TNC: variants seen among roughly 807,000 people sequenced by gnomAD.
TNC encodes tenascin C.
Under a neutral mutation model 202.4 loss-of-function variants are expected in TNC, and 109 were observed. That is an observed-to-expected ratio of 0.54 (90% CI 0.46 to 0.63). TNC has a LOEUF of 0.63. Among genes scored for constraint, TNC ranks in the 30% least tolerant of loss-of-function variants. TNC has a pLI of 0.00. For missense variants in TNC, 2,756 were observed against 2,833.3 expected (o/e 0.97, Z 0.62); for synonymous variants, 1,007 against 1,089.7 (o/e 0.92, Z 1.50).
At chr9:115,106,567 T>A (rs1255626111) in intron 1 of TNC, among the ~76,000 whole-genome samples, 1 of 152,186 alleles carries the variant, frequency 6.6e-6, no homozygotes, top group Non-Finnish European at 1.5e-5. Flanking sequence ...CCAGGTGGAC[T>A]ATAATATCTG....
At chr9:115,051,528 C>CT (rs1249354542) in intron 15 of TNC, among the ~76,000 whole-genome samples, 1 of 90,708 alleles carries the variant, frequency 1.1e-5, no homozygotes, top group Admixed American at 1.0e-4. Flanking sequence ...TTTCTTTTTT[C>CT]TTTTTTTTCT....
In TNC at chr9:115,076,478, T is replaced by C. The variant is rs1453474050; in HGVS notation, c.2772A>G (p.Arg924=). Residue 924 remains arginine (R), a synonymous_variant, in exon 8 of 28, where the codon AGA becomes AGG. Transcript: ENST00000350763. ...CTCCAGAGATGGGGGCATACTTAAT[T>C]CTGTAACTGTCAATAGCTGCCTTGC... The part of the protein sequence containing the change: ...RNGKAAIDSY[R]IKYAPISGGD... The C allele has an allele frequency of 1.2e-6, 2 of 1,614,218 alleles. No homozygotes were observed. The highest frequency in any genetic ancestry group is 8.5e-7 in the Non-Finnish European group (1 of 1,180,044).
intron 10 of TNC, among the ~76,000 whole-genome samples, chr9:115,071,835 C>A (rs1239622766): frequency 1.3e-5 from 2 of 152,170 alleles, no homozygotes; most frequent in African/African-American, 4.8e-5. Flanking sequence ...ATAACAAGCT[C>A]ATGTTTATAA....
chr9:115,052,203 A>G (rs1397468061), intron 15 of TNC, among the ~76,000 whole-genome samples: 2 of 151,898 alleles, frequency 1.3e-5, no homozygotes, highest in African/African-American at 4.8e-5. Context: ...GAAATAATCG[A>G]GGCACAGAAA....
At chr9:115,113,432 G>A (rs549507784) in intron 1 of TNC, among the ~76,000 whole-genome samples, 2 of 152,320 alleles carry the variant, frequency 1.3e-5, no homozygotes, top group East Asian at 3.9e-4. Context: ...TAAATGGCAT[G>A]ATGCCTATAG....
rs2133667775 is a variant in TNC at position 115,090,723 on chromosome 9, A to G, written c.296T>C (p.Val99Ala). The change falls in exon 2 of 28, where the codon GTC becomes GCC. Residue 99 changes from valine (V) to alanine (A), a missense_variant. This residue lies in a region of TNC where 2,559 missense variants were observed against 2,546.0 expected (regional missense o/e 1.01). Transcript: ENST00000350763. Reference protein sequence around the residue: ...EHTVDGENQIVFTHRINIPRR... With the variant: ...EHTVDGENQIAFTHRINIPRR... Reference sequence around the variant, plus strand: ...GGGGATGTTGATGCGATGTGTGAAGACAATCTGGTTTTCCCCATCCACTGT... The same window carrying G: ...GGGGATGTTGATGCGATGTGTGAAGGCAATCTGGTTTTCCCCATCCACTGT... The G allele has an allele frequency of 1.2e-6, 2 of 1,614,180 alleles. No homozygotes were observed. The highest frequency in any genetic ancestry group is 4.5e-5 in the East Asian group (2 of 44,880).
chr9:115,089,430 A>G (rs934932329), intron 2 of TNC, among the ~76,000 whole-genome samples: 1 of 152,220 alleles, frequency 6.6e-6, no homozygotes, highest in African/African-American at 2.4e-5. Flanking sequence ...CAGGGCATCC[A>G]TGGGAGAGTA....
At chr9:115,113,801 G>A (rs10982543) in intron 1 of TNC, among the ~76,000 whole-genome samples, 9,462 of 152,222 alleles carry the variant, frequency 0.062, 338 homozygotes, top group Middle Eastern at 0.14. Flanking sequence ...GGGATTTTCC[G>A]TTCGCGATCT....
In TNC at chr9:115,058,769, C is replaced by T. The variant is rs545962411; in HGVS notation, c.4306+961G>A. On this transcript the variant is annotated intron_variant, in intron 14 of 27. Coordinates refer to ENST00000350763, the MANE Select transcript of TNC (RefSeq NM_002160.4). Reference sequence around the variant, plus strand: ...GGGAGCAGTCATATGCAAAATGAAGCGATAGTCTCTACCGAGCTTCAAACC... The same window carrying T: ...GGGAGCAGTCATATGCAAAATGAAGTGATAGTCTCTACCGAGCTTCAAACC... Among the ~76,000 whole-genome samples the T allele has an allele frequency of 6.0e-4, 92 of 152,262 alleles. 1 individual carries two copies. Among genetic ancestry groups the T allele is most frequent in the African/African-American group, 1.6e-3 (68 of 41,540 alleles).
Position 115,048,879 on chromosome 9 carries a change from G to C in TNC, c.4580-347C>G, listed in dbSNP as rs116647527. 9.3e-3 allele frequency among the ~76,000 whole-genome samples: 1,415 copies of C among 152,144 alleles called. 23 individuals are homozygous for C. The highest frequency in any genetic ancestry group is 0.032 in the African/African-American group (1,325 of 41,504). ...GGCCATGTAGTTCTTTATACAAATAGGTTGCATTTTGTTGAGTTTGGATCC... is the reference window on the plus strand; with the variant it reads ...GGCCATGTAGTTCTTTATACAAATACGTTGCATTTTGTTGAGTTTGGATCC... On this transcript the variant is annotated intron_variant, in intron 15 of 27. Coordinates refer to ENST00000350763, the MANE Select transcript of TNC (RefSeq NM_002160.4).
intron 2 of TNC, among the ~76,000 whole-genome samples, chr9:115,088,504 C>T (rs999293878): frequency 1.3e-5 from 2 of 152,088 alleles, no homozygotes; most frequent in Non-Finnish European, 2.9e-5. Context: ...TACTCGAGCC[C>T]CTTGAGGCCT....
chr9:115,035,141 A>G, intron 22 of TNC, 63 bp downstream of exon 22: 9 of 1,509,462 alleles, frequency 6.0e-6, no homozygotes, highest in Non-Finnish European at 7.1e-6. Flanking sequence ...TAATTCTTCC[A>G]TACTTTGAAG....
intron 1 of TNC, among the ~76,000 whole-genome samples, chr9:115,102,904 C>A (rs1225858075): frequency 6.6e-6 from 1 of 152,220 alleles, no homozygotes; most frequent in Non-Finnish European, 1.5e-5. Context: ...TTTGAACTTA[C>A]ACATAGCAGG....
intron 1 of TNC, among the ~76,000 whole-genome samples, chr9:115,106,169 T>A (rs1440325479): frequency 6.6e-6 from 1 of 152,212 alleles, no homozygotes; most frequent in South Asian, 2.1e-4. Context: ...ATTTATACTG[T>A]GCGTGGCACT....
intron 26 of TNC, among the ~76,000 whole-genome samples, chr9:115,024,346 T>C (rs911594541): frequency 5.9e-5 from 9 of 152,260 alleles, no homozygotes; most frequent in Admixed American, 3.9e-4. Flanking sequence ...CATAATGTGG[T>C]GGGAAGAGGG....
rs1832827042 is a variant in TNC, at chr9:115,064,856, T to C, written c.3278A>G (p.Asn1093Ser). 4 of 1,614,030 alleles carry C rather than the reference T, an allele frequency of 2.5e-6. No individual in the cohort carries two copies. Among genetic ancestry groups the C allele is most frequent in the East Asian group, 2.2e-5 (1 of 44,884 alleles). ...ATAGGCCTGGTCAGCTGCGGTCCAG[T>C]TGAGTCTGAGGCCATCCCAGCCAAC... is the stretch of plus-strand genomic sequence containing the variant. ...TEVGWDGLRL[N>S]WTAADQAYEH... is the part of the protein sequence containing the mutation. Residue 1093 changes from asparagine (N) to serine (S), a missense_variant, in exon 11 of 28, where the codon AAC (asparagine) becomes AGC (serine). Asn to Ser is a conservative substitution (Grantham distance 46, BLOSUM62 1). Coordinates refer to ENST00000350763, the MANE Select transcript of TNC (RefSeq NM_002160.4).
chr9:115,035,110 G>A (rs1554791127), intron 22 of TNC, 94 bp downstream of exon 22: 1 of 1,418,304 alleles, frequency 7.1e-7, no homozygotes, highest in Non-Finnish European at 9.4e-7. Context: ...AGATGCACTG[G>A]GGTAGAAAAA....
rs756632653 is a variant in TNC at position 115,086,868 on chromosome 9, C to A, written c.863G>T (p.Cys288Phe). 7 of 1,614,092 alleles carry A rather than the reference C, an allele frequency of 4.3e-6. No homozygotes were observed. The Admixed American group carries it at 8.3e-5, about 19-fold the overall frequency. The change falls in exon 3 of 28, where the codon TGC becomes TTC. Residue 288 changes from cysteine (C) to phenylalanine (F), a missense_variant. By Grantham distance (205) the Cys-to-Phe change is radical. Transcript: ENST00000350763. Reference protein sequence around the residue: ...DCNKPLCLNNCYNRGRCVENE... With the variant: ...DCNKPLCLNNFYNRGRCVENE... ...CTCCACGCATCGTCCACGGTTGTAG[C>A]AATTGTTGAGACACAGAGGCTTGTT...
Position 115,024,022 on chromosome 9 carries a change from C to T in TNC, c.6446G>A (p.Cys2149Tyr). Residue 2149 changes from cysteine (C) to tyrosine (Y), a missense_variant, in exon 27 of 28, where the codon TGT becomes TAT. Transcript: ENST00000350763. ...SYKGAFWYRNCHRVNLMGRYG... is the reference protein window; with the variant it reads ...SYKGAFWYRNYHRVNLMGRYG... ...TCTCCCCATCAGGTTGACACGGTGA[C>T]AGTTCCTGTACCAGAAAGCCCCTTT... 6.2e-7 allele frequency: 1 copy of T among 1,614,122 alleles called. No homozygotes were observed. The highest frequency in any genetic ancestry group is 8.5e-7 in the Non-Finnish European group (1 of 1,179,970).
Sources: allele counts gnomAD v4.1 joint callset (sites outside exome capture counted in the v4.1 genomes callset), GRCh38; gene constraint gnomAD v4.1.1; regional missense constraint gnomAD v4.1.1; transcripts MANE v1.5; gene names NCBI Gene and HGNC (gene_info 2026-07-23, HGNC 2026-07-21).